Variants in ERC2 observed in about 807,000 individuals in gnomAD.
The protein encoded by ERC2 is ELKS/RAB6-interacting/CAST family member 2.
In ERC2, 42 loss-of-function variants were observed where a neutral mutation model predicts 114.8. The observed-to-expected ratio is 0.37, with a 90% CI of 0.29 to 0.47. The LOEUF is 0.47. ERC2 is among the 20% of genes least tolerant of loss of function. ERC2 has a pLI of 0.99. For synonymous variants in ERC2, 454 were observed against 425.5 expected (o/e 1.07, Z -0.82); for missense variants, 939 against 1,150.7 (o/e 0.82, Z 2.66).
At chr3:55,580,336 A>T (rs2057198744) in intron 17 of ERC2, among the ~76,000 whole-genome samples, 1 of 152,160 alleles carries the variant, frequency 6.6e-6, no homozygotes, top group Admixed American at 6.5e-5. Flanking sequence ...ACTTTGCGAA[A>T]ATCTTGAGGG....
chr3:55,782,687 T>C (rs2069152835), intron 14 of ERC2, among the ~76,000 whole-genome samples: 2 of 152,188 alleles, frequency 1.3e-5, no homozygotes, highest in South Asian at 2.1e-4. Context: ...ATCACTACCA[T>C]GAACAGGGTG....
chr3:56,361,125 T>C (rs1380761377), intron 2 of ERC2, among the ~76,000 whole-genome samples: 2 of 152,118 alleles, frequency 1.3e-5, no homozygotes, highest in Admixed American at 1.3e-4. Context: ...TGAAAATTTT[T>C]GTCTGACGTG....
At position 56,139,681 on chromosome 3, in the gene ERC2, A is replaced by G; in HGVS notation, c.1306-5T>C. 3 of 1,589,670 alleles carry G rather than the reference A, an allele frequency of 1.9e-6. No homozygotes were observed. Among genetic ancestry groups the G allele is most frequent in the Non-Finnish European group, 2.6e-6 (3 of 1,166,712 alleles). Reference sequence around the variant, plus strand: ...TTCCTGCTTCAGCTGATCAATCTGCAAAACAACAACAAAATTGCAAGAAAT... The same window carrying G: ...TTCCTGCTTCAGCTGATCAATCTGCGAAACAACAACAAAATTGCAAGAAAT... On this transcript the variant is annotated splice_polypyrimidine_tract_variant and splice_region_variant and intron_variant, in intron 5 of 17. Coordinates refer to ENST00000288221, the MANE Select transcript of ERC2 (RefSeq NM_015576.3).
chr3:56,281,892 C>T (rs1162118037), intron 3 of ERC2, among the ~76,000 whole-genome samples: 1 of 152,178 alleles, frequency 6.6e-6, no homozygotes, highest in East Asian at 1.9e-4. Flanking sequence ...ATGTAAAATG[C>T]CACCAGGCAA....
chr3:56,343,173 C>CTT (rs1448069540), intron 2 of ERC2, among the ~76,000 whole-genome samples: 49 of 61,680 alleles, frequency 7.9e-4, no homozygotes, highest in African/African-American at 2.0e-3. Context: ...CTCTTTCTCT[C>CTT]TCTCTCTCTC....
chr3:55,875,289 A>G (rs2062775084), intron 14 of ERC2, among the ~76,000 whole-genome samples: 1 of 152,200 alleles, frequency 6.6e-6, no homozygotes, highest in Non-Finnish European at 1.5e-5. Flanking sequence ...CAATTTCAAA[A>G]TAGAGTGGAA....
rs372032448 is a variant in ERC2 at position 55,577,405 on chromosome 3, T to C, written c.*40-66129A>G. ...TAAAAATAATAAGGTTATATCCTCA[T>C]AAAGTTCCCTTTATTTGTGATTCCC... On this transcript the variant is annotated intron_variant, in intron 17 of 17. Coordinates refer to ENST00000288221, the MANE Select transcript of ERC2 (RefSeq NM_015576.3). Among the ~76,000 whole-genome samples, 37 of 152,320 alleles carry C rather than the reference T, an allele frequency of 2.4e-4. No homozygotes were observed. In the Middle Eastern group the frequency reaches 0.01, roughly 42 times the overall value.
At chr3:56,405,628 TAGATAGATACATAGAC>T (rs1242440566) in intron 2 of ERC2, among the ~76,000 whole-genome samples, 1 of 143,174 alleles carries the variant, frequency 7.0e-6, no homozygotes, top group Non-Finnish European at 1.5e-5. Context: ...TGGATGGAGA[TAGATAGATACATAGAC>T]AGATAGATAG....
chr3:56,389,384 A>C (rs1370580742), intron 2 of ERC2, among the ~76,000 whole-genome samples: 1 of 152,204 alleles, frequency 6.6e-6, no homozygotes, highest in Non-Finnish European at 1.5e-5. Context: ...TGTCACAGAA[A>C]GAACATGACA....
At chr3:55,767,040 T>C (rs960808957) in intron 14 of ERC2, among the ~76,000 whole-genome samples, 1 of 150,986 alleles carries the variant, frequency 6.6e-6, no homozygotes. Flanking sequence ...GAGTGCTTAC[T>C]GTGTGCCAGG....
chr3:56,040,701 GAT>G lies in ERC2; in HGVS notation c.1642-21672_1642-21671del, dbSNP rs1332170759. 1.9e-3 allele frequency among the ~76,000 whole-genome samples: 211 copies of G among 113,240 alleles called. 1 individual carries two copies. The highest frequency in any genetic ancestry group is 6.8e-3 in the African/African-American group (198 of 29,146). 74.3% of individuals were successfully genotyped at this position (113,240 alleles called of 152,430 possible). A position where few individuals can be genotyped will look rare whatever the true frequency, so the allele number is the denominator to read the frequency against. ...ATACATATATCTCTATATAGAGAGA[GAT>G]ATATAGAGAGAGATACATATAGATA... On this transcript the variant is annotated intron_variant, in intron 7 of 17. Transcript: ENST00000288221.
intron 17 of ERC2, among the ~76,000 whole-genome samples, chr3:55,537,818 A>T (rs1411290796): frequency 6.6e-6 from 1 of 152,248 alleles, no homozygotes; most frequent in Non-Finnish European, 1.5e-5. Flanking sequence ...TTTTGAAAAA[A>T]GTTTCATTAG....
At chr3:55,934,256 T>G (rs1007612177) in intron 13 of ERC2, among the ~76,000 whole-genome samples, 1 of 152,172 alleles carries the variant, frequency 6.6e-6, no homozygotes, top group African/African-American at 2.4e-5. Context: ...AGAACAGGCA[T>G]GCAAATCTTC....
chr3:56,151,640 G>T (rs1266972350), intron 4 of ERC2, among the ~76,000 whole-genome samples: 1 of 152,150 alleles, frequency 6.6e-6, no homozygotes, highest in Admixed American at 6.6e-5. Context: ...TCAGTCCAAA[G>T]AATTTAGAGG....
intron 2 of ERC2, among the ~76,000 whole-genome samples, chr3:56,409,297 T>C (rs1172014546): frequency 6.6e-6 from 1 of 152,144 alleles, no homozygotes; most frequent in African/African-American, 2.4e-5. Context: ...TAAAAAAATA[T>C]AATCAAACTA....
At position 55,722,797 on chromosome 3, in the gene ERC2, TC is replaced by T. The variant is rs151169297; in HGVS notation, c.2712+11973del. Among the ~76,000 whole-genome samples, 12 of 152,322 alleles carry T rather than the reference TC, an allele frequency of 7.9e-5. No individual in the cohort carries two copies. The East Asian group carries it at 2.3e-3, about 29-fold the overall frequency. On this transcript the variant is annotated intron_variant, in intron 15 of 17. Transcript: ENST00000288221. ...TCACTTGCACTTCCTGTAGTAGGAT[TC>T]TGCCCCAAATCTATGAGTGGCATGT...
intron 14 of ERC2, among the ~76,000 whole-genome samples, chr3:55,814,770 C>T (rs1214712685): frequency 6.6e-6 from 1 of 152,144 alleles, no homozygotes. Flanking sequence ...TTTTTCCTGA[C>T]CCTCTACTCC....
intron 17 of ERC2, among the ~76,000 whole-genome samples, chr3:55,680,355 G>C (rs745362824): frequency 7.2e-5 from 11 of 152,196 alleles, no homozygotes; most frequent in Non-Finnish European, 7.3e-5. Context: ...GGCAGAGGTG[G>C]CACTAAATCT....
intron 2 of ERC2, among the ~76,000 whole-genome samples, chr3:56,367,311 A>G (rs1380800213): frequency 1.3e-5 from 2 of 151,246 alleles, no homozygotes; most frequent in Middle Eastern, 3.4e-3. Flanking sequence ...CAGCATTCTG[A>G]TTCAAAATGG....
Sources: allele counts gnomAD v4.1 joint callset (sites outside exome capture counted in the v4.1 genomes callset), GRCh38; gene constraint gnomAD v4.1.1; transcripts MANE v1.5; gene names NCBI Gene and HGNC (gene_info 2026-07-23, HGNC 2026-07-21).